RPS6KC1: variants seen among roughly 807,000 people sequenced by gnomAD.
The protein encoded by RPS6KC1 is inactive ribosomal protein S6 kinase delta-1.
In RPS6KC1, 54 loss-of-function variants were observed where a neutral mutation model predicts 103.8. The ratio of observed to expected loss-of-function variants is 0.52; its 90% CI spans 0.42 to 0.65. RPS6KC1 has a LOEUF of 0.65. Ranked by LOEUF, RPS6KC1 falls within the 30% of genes least tolerant of loss-of-function variation. The pLI, the probability that RPS6KC1 is intolerant of heterozygous loss-of-function variation, is 0.00. For missense variants in RPS6KC1, 1,151 were observed against 1,253.8 expected (o/e 0.92, Z 1.24); for synonymous variants, 439 against 438.7 (o/e 1.00, Z -0.01).
In RPS6KC1 at chr1:213,132,670, A is replaced by T. The variant is rs11120091; in HGVS notation, c.835+2781A>T. Among the ~76,000 whole-genome samples the T allele has an allele frequency of 7.0e-3, 1,066 of 152,322 alleles. 13 individuals are homozygous for T. Among genetic ancestry groups the T allele is most frequent in the African/African-American group, 0.024 (1,011 of 41,566 alleles). On this transcript the variant is annotated intron_variant, in intron 6 of 14. Transcript: ENST00000366960. ...CTGGGGTAACAAAACTGTTAGTGAA[A>T]TATCTCTATAGCCAGTAAAACGTAT...
the RPS6KC1 span, chr1:213,840,185 T>C: frequency 7.2e-5 from 11 of 152,192 alleles, no homozygotes; most frequent in African/African-American, 2.7e-4. Context: ...CAGTAGTCCA[T>C]CCTGTCCTCT....
the RPS6KC1 span, among the ~76,000 whole-genome samples, chr1:213,728,957 T>TTTTTTTTTTTTC: frequency 7.0e-6 from 1 of 143,270 alleles, no homozygotes; most frequent in South Asian, 2.3e-4. Flanking sequence ...TGTTTTTTTT[T>TTTTTTTTTTTTC]TTTTTTTTAC....
At chr1:213,536,932 A>G in the RPS6KC1 span, among the ~76,000 whole-genome samples, 13 of 152,268 alleles carry the variant, frequency 8.5e-5, no homozygotes, top group East Asian at 2.5e-3. Context: ...GATATACAGA[A>G]TTGGTCCGGT....
the RPS6KC1 span, among the ~76,000 whole-genome samples, chr1:213,542,145 G>T: frequency 6.6e-6 from 1 of 152,176 alleles, no homozygotes; most frequent in Non-Finnish European, 1.5e-5. Flanking sequence ...GTGACTCTGT[G>T]GCACAGCATC....
the RPS6KC1 span, among the ~76,000 whole-genome samples, chr1:213,579,694 G>T: frequency 6.6e-6 from 1 of 152,136 alleles, no homozygotes; most frequent in South Asian, 2.1e-4. Context: ...GTGACTTAGA[G>T]TTGGAACTGA....
chr1:213,176,389 T>C lies in RPS6KC1; in HGVS notation c.952-11T>C, dbSNP rs761389402. ...CCTGATTGATGTATAATCTTTGATA[T>C]CTTCCATTAGCCTCCAGGATCACTA... On this transcript the variant is annotated splice_polypyrimidine_tract_variant and intron_variant, in intron 7 of 14. Transcript: ENST00000366960. 3.8e-6 allele frequency: 6 copies of C among 1,581,432 alleles called. No homozygotes were observed. In the South Asian group the frequency reaches 6.8e-5, roughly 18 times the overall value.
At chr1:213,661,245 G>A in the RPS6KC1 span, among the ~76,000 whole-genome samples, 91 of 152,296 alleles carry the variant, frequency 6.0e-4, no homozygotes, top group African/African-American at 2.0e-3. Flanking sequence ...ACTGCTACGT[G>A]AACTGGGTGA....
At chr1:213,712,358 C>T in the RPS6KC1 span, among the ~76,000 whole-genome samples, 2 of 152,064 alleles carry the variant, frequency 1.3e-5, no homozygotes, top group Admixed American at 6.5e-5. Context: ...GGCAGATGCC[C>T]CTCCCCTCAC....
chr1:213,369,168 T>G, the RPS6KC1 span, among the ~76,000 whole-genome samples: 1 of 152,224 alleles, frequency 6.6e-6, no homozygotes, highest in Non-Finnish European at 1.5e-5. Flanking sequence ...CTGAGAAGAG[T>G]GGGCTGGGGG....
intron 12 of RPS6KC1, among the ~76,000 whole-genome samples, chr1:213,244,765 G>C (rs561072873): frequency 6.6e-6 from 1 of 152,076 alleles, no homozygotes; most frequent in Non-Finnish European, 1.5e-5. Context: ...AATTCTCTTA[G>C]TTGACCAGCA....
At chr1:213,718,090 A>G in the RPS6KC1 span, among the ~76,000 whole-genome samples, 2 of 152,214 alleles carry the variant, frequency 1.3e-5, no homozygotes, top group African/African-American at 2.4e-5. Flanking sequence ...TGTGCTCCAC[A>G]TGCAGCCCAG....
chr1:213,810,805 A>G, the RPS6KC1 span, among the ~76,000 whole-genome samples: 1 of 152,206 alleles, frequency 6.6e-6, no homozygotes, highest in Non-Finnish European at 1.5e-5. Flanking sequence ...TAGTTCTATG[A>G]TATAAATGTT....
intron 8 of RPS6KC1, among the ~76,000 whole-genome samples, chr1:213,222,987 A>G (rs2093872536): frequency 6.6e-6 from 1 of 152,218 alleles, no homozygotes. Flanking sequence ...TGTTCACATG[A>G]AAGTATGTTG....
chr1:213,847,395 T>C, the RPS6KC1 span, among the ~76,000 whole-genome samples: 1 of 152,190 alleles, frequency 6.6e-6, no homozygotes, highest in Non-Finnish European at 1.5e-5. Flanking sequence ...CCTCCATCTG[T>C]TGGAGAGGGA....
At chr1:213,830,672 TAAAA>T in the RPS6KC1 span, among the ~76,000 whole-genome samples, 1 of 127,738 alleles carries the variant, frequency 7.8e-6, no homozygotes, top group African/African-American at 2.9e-5. Flanking sequence ...TCACATTCTT[TAAAA>T]AAAAAAAAAA....
the RPS6KC1 span, chr1:213,731,272 A>T: frequency 2.0e-5 from 3 of 152,136 alleles, no homozygotes; most frequent in Non-Finnish European, 4.4e-5. Context: ...AGCTTTTTCT[A>T]GTTCTGTGAA....
At chr1:213,460,712 G>A in the RPS6KC1 span, among the ~76,000 whole-genome samples, 6 of 152,102 alleles carry the variant, frequency 3.9e-5, no homozygotes, top group Non-Finnish European at 7.4e-5. Flanking sequence ...GTATGTTTTT[G>A]CAGTGGCTGG....
chr1:213,603,646 G>A, the RPS6KC1 span, among the ~76,000 whole-genome samples: 1 of 151,910 alleles, frequency 6.6e-6, no homozygotes, highest in South Asian at 2.1e-4. Context: ...GATCACTTGA[G>A]GTCAGGAGTT....
chr1:213,092,719 A>G (rs1197768455), intron 3 of RPS6KC1, among the ~76,000 whole-genome samples: 1 of 152,124 alleles, frequency 6.6e-6, no homozygotes, highest in Non-Finnish European at 1.5e-5. Context: ...TATCCAAGAT[A>G]TGTTTTTAAG....
Sources: allele counts gnomAD v4.1 joint callset (sites outside exome capture counted in the v4.1 genomes callset), GRCh38; gene constraint gnomAD v4.1.1; transcripts MANE v1.5; gene names NCBI Gene and HGNC (gene_info 2026-07-23, HGNC 2026-07-21).